The following KIF6 variants were observed in gnomAD, a reference collection of about 807,000 sequenced individuals.
KIF6 encodes kinesin-like protein KIF6.
KIF6 carries 106 observed loss-of-function variants against 112.7 expected under a neutral mutation model. The observed-to-expected ratio is 0.94, with a 90% confidence interval of 0.80 to 1.11. The LOEUF (loss-of-function observed/expected upper bound fraction) is 1.11, where lower values mean the gene tolerates loss of function less well. Ranked by LOEUF, KIF6 falls within the 50% of genes least tolerant of loss-of-function variation. KIF6 has a pLI of 0.00. For synonymous variants in KIF6, 339 were observed against 339.9 expected (o/e 1.00, Z 0.03); for missense variants, 929 against 964.0 (o/e 0.96, Z 0.48).
intron 3 of KIF6, among the ~76,000 whole-genome samples, chr6:39,692,362 G>T (rs1357286719): frequency 1.3e-5 from 2 of 152,100 alleles, no homozygotes; most frequent in Admixed American, 6.6e-5. Flanking sequence ...TAAAACTAAA[G>T]AAAATCAGCT....
chr6:39,680,101 C>T (rs528849630), intron 3 of KIF6, among the ~76,000 whole-genome samples: 4 of 151,932 alleles, frequency 2.6e-5, no homozygotes, highest in African/African-American at 4.8e-5. Context: ...CTCCACTTCC[C>T]GGGTTGAGCA....
chr6:39,610,357 A>G (rs1783149621), intron 6 of KIF6, among the ~76,000 whole-genome samples: 1 of 152,224 alleles, frequency 6.6e-6, no homozygotes, highest in Non-Finnish European at 1.5e-5. Flanking sequence ...CTTTTCCTTA[A>G]AATGCTGGCT....
At chr6:39,512,223 G>C (rs991821057) in intron 13 of KIF6, among the ~76,000 whole-genome samples, 1 of 152,148 alleles carries the variant, frequency 6.6e-6, no homozygotes, top group Non-Finnish European at 1.5e-5. Flanking sequence ...GTGATGTTTT[G>C]AAACAATATT....
Position 39,429,717 on chromosome 6 carries a change from G to A in KIF6, c.1754+1336C>T, listed in dbSNP as rs544506474. Reference sequence around the variant, plus strand: ...GAGGTCAGCAGATGAGACCATCGTGGCTAACACAGTGAAACCCCGTCTCTA... The same window carrying A: ...GAGGTCAGCAGATGAGACCATCGTGACTAACACAGTGAAACCCCGTCTCTA... On this transcript the variant is annotated intron_variant, in intron 14 of 22. Transcript: ENST00000287152. Among the ~76,000 whole-genome samples the A allele has an allele frequency of 4.4e-4, 67 of 152,236 alleles. No individual in the cohort carries two copies. In the South Asian group the frequency reaches 0.013, roughly 30 times the overall value.
intron 10 of KIF6, among the ~76,000 whole-genome samples, chr6:39,575,512 C>T (rs1582173035): frequency 6.6e-6 from 1 of 152,118 alleles, no homozygotes; most frequent in African/African-American, 2.4e-5. Flanking sequence ...CTTTGTGATC[C>T]GCCCGCCTTG....
intron 3 of KIF6, among the ~76,000 whole-genome samples, chr6:39,666,462 A>T (rs10498744): frequency 0.088 from 13,338 of 152,190 alleles, 1,146 homozygotes; most frequent in East Asian, 0.38. Flanking sequence ...GACAGCTTTG[A>T]AAGTGCCAAC....
At chr6:39,372,743 C>A (rs1766117945) in intron 16 of KIF6, among the ~76,000 whole-genome samples, 1 of 152,184 alleles carries the variant, frequency 6.6e-6, no homozygotes, top group Admixed American at 6.5e-5. Context: ...ATTCACTCTA[C>A]CCTTTCTCCT....
In KIF6 at chr6:39,634,908, A is replaced by T; in HGVS notation, c.450T>A (p.Asn150Lys). ...GATCCAAAAGATCATAACCACATTC[A>T]TTGTAGATTTCCAAATAGGAAATGT... is the stretch of plus-strand genomic sequence containing the variant. Reference protein sequence around the residue: ...TTHISYLEIYNECGYDLLDPR... With the variant: ...TTHISYLEIYKECGYDLLDPR... The change falls in exon 5 of 23, where the codon AAT (asparagine) becomes AAA (lysine). Residue 150 changes from asparagine to lysine, a missense_variant. By Grantham distance (94) the Asn-to-Lys change is moderately conservative (BLOSUM62 0). This residue lies in a region of KIF6 where 688 missense variants were observed against 662.7 expected (regional missense o/e 1.04). Transcript: ENST00000287152. 4 of 1,612,688 alleles carry T rather than the reference A, an allele frequency of 2.5e-6. No homozygotes were observed. Among genetic ancestry groups the T allele is most frequent in the Non-Finnish European group, 2.5e-6 (3 of 1,178,974 alleles).
rs146045328 is a variant in KIF6, at chr6:39,399,621, C to T, written c.1811-13949G>A. On this transcript the variant is annotated intron_variant, in intron 15 of 22. Transcript: ENST00000287152. ...AAACTATCTTGTGAGAGCTATGGGT[C>T]CAGGCAGTGCTCTGGAGAAAGTGAA... 2.3e-3 allele frequency among the ~76,000 whole-genome samples: 354 copies of T among 152,282 alleles called. 2 individuals are homozygous for T. The highest frequency in any genetic ancestry group is 8.0e-3 in the African/African-American group (332 of 41,564).
intron 17 of KIF6, among the ~76,000 whole-genome samples, chr6:39,361,639 A>G (rs1291079795): frequency 6.6e-6 from 1 of 151,578 alleles, no homozygotes; most frequent in Non-Finnish European, 1.5e-5. Context: ...AAGGTGGACG[A>G]CTGGCGAGGG....
intron 3 of KIF6, among the ~76,000 whole-genome samples, chr6:39,666,684 A>T (rs941142455): frequency 6.6e-6 from 1 of 152,158 alleles, no homozygotes; most frequent in Non-Finnish European, 1.5e-5. Flanking sequence ...CTCTCTGACA[A>T]AGGATGTTTT....
intron 5 of KIF6, among the ~76,000 whole-genome samples, chr6:39,620,615 G>A (rs1262815832): frequency 6.6e-6 from 1 of 152,052 alleles, no homozygotes; most frequent in African/African-American, 2.4e-5. Context: ...AAAGAACCAA[G>A]AAAGCAGAGC....
At chr6:39,401,026 T>A (rs1768659418) in intron 15 of KIF6, among the ~76,000 whole-genome samples, 1 of 152,262 alleles carries the variant, frequency 6.6e-6, no homozygotes, top group Non-Finnish European at 1.5e-5. Context: ...GGTTTTTACC[T>A]GGATCTTAGG....
At chr6:39,649,531 G>A (rs1785351763) in intron 3 of KIF6, among the ~76,000 whole-genome samples, 1 of 152,152 alleles carries the variant, frequency 6.6e-6, no homozygotes, top group Non-Finnish European at 1.5e-5. Context: ...CAGAGCATTT[G>A]TTTGGTCAAC....
chr6:39,645,149 A>G (rs139591952), intron 3 of KIF6, among the ~76,000 whole-genome samples: 104 of 152,242 alleles, frequency 6.8e-4, no homozygotes, highest in African/African-American at 2.5e-3. Flanking sequence ...CCATTGTAGA[A>G]ATTCTCTCCT....
intron 3 of KIF6, among the ~76,000 whole-genome samples, chr6:39,646,716 AATACGCTAT>A: frequency 6.6e-6 from 1 of 152,360 alleles, no homozygotes; most frequent in South Asian, 2.1e-4. Flanking sequence ...AGCTAATAGA[AATACGCTAT>A]ATACATGTTT....
intron 10 of KIF6, 111 bp downstream of exon 10, chr6:39,577,945 G>A: frequency 1.4e-6 from 1 of 708,930 alleles, no homozygotes; most frequent in Non-Finnish European, 2.4e-6. Flanking sequence ...ATTTCAGACT[G>A]TCCCAGGAGA....
chr6:39,602,519 G>A (rs1782635491), intron 6 of KIF6, among the ~76,000 whole-genome samples: 1 of 152,132 alleles, frequency 6.6e-6, no homozygotes, highest in South Asian at 2.1e-4. Flanking sequence ...TAACACAGTA[G>A]TGTTAAAAAT....
At chr6:39,458,189 C>T (rs1165024453) in intron 13 of KIF6, among the ~76,000 whole-genome samples, 1 of 147,574 alleles carries the variant, frequency 6.8e-6, no homozygotes, top group African/African-American at 2.5e-5. Flanking sequence ...AAGTGGGCTT[C>T]ATCCCTGGGA....
Sources: allele counts gnomAD v4.1 joint callset (sites outside exome capture counted in the v4.1 genomes callset), GRCh38; gene constraint gnomAD v4.1.1; regional missense constraint gnomAD v4.1.1; transcripts MANE v1.5; gene names NCBI Gene and HGNC (gene_info 2026-07-23, HGNC 2026-07-21).